The following TENM3 variants were observed in gnomAD, a reference collection of about 807,000 sequenced individuals.
TENM3 encodes teneurin transmembrane protein 3.
Under a neutral mutation model 255.1 loss-of-function variants are expected in TENM3, and 63 were observed. That is an observed-to-expected ratio of 0.25 (90% CI 0.20 to 0.30). TENM3 has a LOEUF of 0.30. TENM3 is among the 10% of genes least tolerant of loss of function. The pLI is 1.00. For synonymous variants in TENM3, 1,306 were observed against 1,322.3 expected (o/e 0.99, Z 0.27); for missense variants, 2,929 against 3,461.1 (o/e 0.85, Z 3.86).
the TENM3 span, among the ~76,000 whole-genome samples, chr4:181,794,259 T>C: frequency 6.6e-6 from 1 of 152,154 alleles, no homozygotes; most frequent in African/African-American, 2.4e-5. Flanking sequence ...CGTCACATAG[T>C]TATCCTTGTG....
chr4:182,721,565 T>A (rs867164543), intron 13 of TENM3, among the ~76,000 whole-genome samples: 1 of 152,194 alleles, frequency 6.6e-6, no homozygotes, highest in African/African-American at 2.4e-5. Context: ...TGTATCTGCA[T>A]ATGAATCTTT....
the TENM3 span, among the ~76,000 whole-genome samples, chr4:181,461,390 G>A: frequency 6.6e-6 from 1 of 151,998 alleles, no homozygotes; most frequent in Non-Finnish European, 1.5e-5. Context: ...AAAATTGATT[G>A]GGTTAATTTG....
chr4:181,524,236 A>G, the TENM3 span, among the ~76,000 whole-genome samples: 1 of 152,196 alleles, frequency 6.6e-6, no homozygotes, highest in Non-Finnish European at 1.5e-5. Flanking sequence ...GGATGGGACA[A>G]TGACTCACCA....
the TENM3 span, among the ~76,000 whole-genome samples, chr4:181,534,010 C>T: frequency 6.6e-6 from 1 of 152,194 alleles, no homozygotes; most frequent in Non-Finnish European, 1.5e-5. Context: ...CCAAGTCATT[C>T]TGAGATTCAC....
chr4:182,053,038 G>A, the TENM3 span, among the ~76,000 whole-genome samples: 25 of 152,044 alleles, frequency 1.6e-4, no homozygotes, highest in Non-Finnish European at 3.5e-4. Flanking sequence ...AGGCTGGACC[G>A]AAACTTCTGG....
the TENM3 span, among the ~76,000 whole-genome samples, chr4:182,082,899 TGCCACTCCTTG>T: frequency 1.3e-5 from 2 of 152,326 alleles, no homozygotes; most frequent in Middle Eastern, 6.8e-3. Context: ...GAGAAAAACG[TGCCACTCCTTG>T]GCAACATAAT....
chr4:181,524,954 G>A, the TENM3 span, among the ~76,000 whole-genome samples: 1 of 152,146 alleles, frequency 6.6e-6, no homozygotes, highest in Admixed American at 6.6e-5. Context: ...CTCTCACTGG[G>A]AGCTAAAAAT....
chr4:182,081,463 A>G, the TENM3 span, among the ~76,000 whole-genome samples: 3 of 151,722 alleles, frequency 2.0e-5, no homozygotes, highest in African/African-American at 7.3e-5. Context: ...ACGTGCCTGT[A>G]GTCCCAGCTA....
At chr4:181,804,026 G>C in the TENM3 span, among the ~76,000 whole-genome samples, 2 of 86,248 alleles carry the variant, frequency 2.3e-5, no homozygotes, top group Non-Finnish European at 5.1e-5. Flanking sequence ...AAATAGGGAG[G>C]GAGGGTAAGG....
the TENM3 span, among the ~76,000 whole-genome samples, chr4:182,113,318 T>C: frequency 6.6e-6 from 1 of 152,162 alleles, no homozygotes; most frequent in Non-Finnish European, 1.5e-5. Flanking sequence ...TTCTCTTGGG[T>C]TGTTTTTCTT....
the TENM3 span, among the ~76,000 whole-genome samples, chr4:181,791,181 C>T: frequency 6.6e-6 from 1 of 152,164 alleles, no homozygotes; most frequent in South Asian, 2.1e-4. Context: ...GATGTCTTCA[C>T]GATAGTGGTC....
the TENM3 span, among the ~76,000 whole-genome samples, chr4:181,807,435 C>A: frequency 1.3e-5 from 2 of 152,208 alleles, no homozygotes; most frequent in Non-Finnish European, 2.9e-5. Flanking sequence ...CTCACCGCAA[C>A]CTCCGCCTCC....
the TENM3 span, among the ~76,000 whole-genome samples, chr4:181,865,759 C>A: frequency 2.1e-4 from 32 of 152,166 alleles, 1 homozygote; most frequent in South Asian, 6.0e-3. Context: ...AGGTTTGTAG[C>A]GCTTTAGAAA....
chr4:181,698,973 T>C, the TENM3 span, among the ~76,000 whole-genome samples: 20 of 152,208 alleles, frequency 1.3e-4, no homozygotes, highest in African/African-American at 4.8e-4. Flanking sequence ...AGACTTCAGG[T>C]GAGACTATTT....
At chr4:181,518,705 G>A in the TENM3 span, among the ~76,000 whole-genome samples, 10,540 of 152,234 alleles carry the variant, frequency 0.069, 423 homozygotes, top group South Asian at 0.14. Context: ...GGGATTACAG[G>A]CGTGAGCCAC....
chr4:182,087,679 C>G, the TENM3 span, among the ~76,000 whole-genome samples: 1 of 148,422 alleles, frequency 6.7e-6, no homozygotes, highest in Non-Finnish European at 1.5e-5. Flanking sequence ...ACAAGAAGGA[C>G]AGAATCGCTC....
In TENM3 at chr4:182,754,752, G is replaced by A; in HGVS notation, c.4385G>A (p.Gly1462Glu). 1 of 1,614,072 alleles carries A rather than the reference G, an allele frequency of 6.2e-7. No homozygotes were observed. The highest frequency in any genetic ancestry group is 8.5e-7 in the Non-Finnish European group (1 of 1,179,908). ...GCCAACTGTGACTGTTACCAGAGTG[G>A]AGATGGCTACGCCAAGGATGCCAAA... ...NDANCDCYQS[G>E]DGYAKDAKLS... The change falls in exon 22 of 28, where the codon GGA (glycine) becomes GAA (glutamate). Residue 1462 changes from glycine to glutamate, a missense_variant. By Grantham distance (98) the Gly-to-Glu change is moderately conservative. This residue lies in a region of TENM3 where 1,608 missense variants were observed against 1,884.4 expected (regional missense o/e 0.85). Transcript: ENST00000511685. This position sits in a 1 kb window ranked among gnomAD's most constrained non-coding sequence, Gnocchi z 5.1.
the TENM3 span, among the ~76,000 whole-genome samples, chr4:182,130,812 C>T: frequency 2.0e-5 from 3 of 151,570 alleles, no homozygotes; most frequent in Non-Finnish European, 2.9e-5. Context: ...ATTTTTCCTA[C>T]GTAAGCTGAA....
In TENM3 at chr4:182,755,208, G is replaced by A; in HGVS notation, c.4841G>A (p.Ser1614Asn). The A allele has an allele frequency of 6.2e-7, 1 of 1,611,504 alleles. No homozygotes were observed. Among genetic ancestry groups the A allele is most frequent in the Non-Finnish European group, 8.5e-7 (1 of 1,179,820 alleles). Residue 1614 changes from serine to asparagine, a missense_variant, in exon 22 of 28, where the codon AGT becomes AAT. Ser to Asn is a conservative substitution (Grantham distance 46, BLOSUM62 1). Around this residue, in one of 6 missense-constraint regions of TENM3, gnomAD observed 1,608 missense variants for 1,884.4 expected, o/e 0.85. Transcript: ENST00000511685. ...GTTTTGTTTACTTACCATGGCAATA[G>A]TGGCCTTTTAGCCACTAAAAGTGAT... ...ELVLFTYHGN[S>N]GLLATKSDET...
Sources: allele counts gnomAD v4.1 joint callset (sites outside exome capture counted in the v4.1 genomes callset), GRCh38; gene constraint gnomAD v4.1.1; regional missense constraint gnomAD v4.1.1; non-coding constraint Gnocchi (gnomAD v3.1); transcripts MANE v1.5; gene names NCBI Gene and HGNC (gene_info 2026-07-23, HGNC 2026-07-21).